Variants in NELL1 observed in about 807,000 individuals in gnomAD.
NELL1 encodes the protein protein kinase C-binding protein NELL1.
NELL1 carries 76 observed loss-of-function variants against 107.4 expected under a neutral mutation model. The observed-to-expected ratio is 0.71, with a 90% CI of 0.59 to 0.86. The LOEUF is 0.86. Ranked by LOEUF, NELL1 falls within the 40% of genes least tolerant of loss-of-function variation. NELL1 has a pLI of 0.00. For synonymous variants in NELL1, 353 were observed against 341.2 expected (o/e 1.03, Z -0.38); for missense variants, 1,024 against 1,005.5 (o/e 1.02, Z -0.25).
intron 15 of NELL1, among the ~76,000 whole-genome samples, chr11:21,481,744 G>A (rs917513484): frequency 6.6e-6 from 1 of 152,178 alleles, no homozygotes; most frequent in Non-Finnish European, 1.5e-5. Flanking sequence ...GGATTGCCTG[G>A]CAATCTGGGC....
intron 15 of NELL1, among the ~76,000 whole-genome samples, chr11:21,413,047 TA>T (rs756174404): frequency 6.6e-6 from 1 of 152,054 alleles, no homozygotes; most frequent in Non-Finnish European, 1.5e-5. Context: ...CTTTGGCTAA[TA>T]GGAAATTCAT....
chr11:20,809,704 CT>C (rs1263621176), intron 3 of NELL1, among the ~76,000 whole-genome samples: 3 of 152,044 alleles, frequency 2.0e-5, no homozygotes, highest in Admixed American at 1.3e-4. Flanking sequence ...GAATTTTATT[CT>C]TTTTTTATGG....
At chr11:21,296,202 T>C (rs1228105253) in intron 14 of NELL1, among the ~76,000 whole-genome samples, 4 of 152,136 alleles carry the variant, frequency 2.6e-5, no homozygotes, top group African/African-American at 4.8e-5. Flanking sequence ...CCCAGTTCTG[T>C]TATTTTGAAC....
intron 14 of NELL1, among the ~76,000 whole-genome samples, chr11:21,231,104 C>A (rs1858037416): frequency 6.6e-6 from 1 of 152,106 alleles, no homozygotes; most frequent in African/African-American, 2.4e-5. Flanking sequence ...CACGCACACA[C>A]AAACACATAC....
At chr11:20,715,303 GTTTT>G (rs71748513) in intron 2 of NELL1, among the ~76,000 whole-genome samples, 17 of 145,152 alleles carry the variant, frequency 1.2e-4, no homozygotes, top group South Asian at 4.3e-4. Flanking sequence ...CTGGGTTTTT[GTTTT>G]TTTTTTTTTT....
At chr11:20,914,264 T>C (rs753971876) in intron 5 of NELL1, among the ~76,000 whole-genome samples, 3 of 152,150 alleles carry the variant, frequency 2.0e-5, no homozygotes, top group Non-Finnish European at 2.9e-5. Context: ...GTGGTCCTCA[T>C]GTATACCTTG....
intron 3 of NELL1, among the ~76,000 whole-genome samples, chr11:20,787,282 A>G (rs1856987312): frequency 1.3e-5 from 2 of 152,118 alleles, no homozygotes; most frequent in South Asian, 4.1e-4. Context: ...TTTCTACTCT[A>G]GTAGAGAAGA....
At chr11:21,489,622 G>A (rs1227370077) in intron 15 of NELL1, among the ~76,000 whole-genome samples, 1 of 152,094 alleles carries the variant, frequency 6.6e-6, no homozygotes, top group African/African-American at 2.4e-5. Context: ...TTTACACCAG[G>A]ACTGCAAGGA....
At chr11:20,702,226 TC>T (rs1178089194) in intron 2 of NELL1, among the ~76,000 whole-genome samples, 3 of 152,192 alleles carry the variant, frequency 2.0e-5, no homozygotes, top group African/African-American at 7.2e-5. Context: ...GTCCTTCACA[TC>T]CCTTGTAAAT....
At chr11:21,027,282 CTAGTTTAGTTTAGTTTAGTT>C (rs60300243) in intron 12 of NELL1, among the ~76,000 whole-genome samples, 47 of 141,002 alleles carry the variant, frequency 3.3e-4, no homozygotes, top group Admixed American at 1.1e-3. Flanking sequence ...TGGGAAAAGC[CTAGTTTAGTTTAGTTTAGTT>C]TAGTTTAGTT....
At chr11:20,793,286 T>C (rs2133993285) in intron 3 of NELL1, among the ~76,000 whole-genome samples, 1 of 152,144 alleles carries the variant, frequency 6.6e-6, no homozygotes, top group South Asian at 2.1e-4. Flanking sequence ...TGGGATTTTT[T>C]TGGCAAGTAG....
chr11:20,783,245 T>C (rs1259142990), intron 2 of NELL1, among the ~76,000 whole-genome samples: 1 of 152,170 alleles, frequency 6.6e-6, no homozygotes, highest in African/African-American at 2.4e-5. Context: ...GGTCTTATTA[T>C]CCCAAGATTC....
chr11:21,337,789 TTTCTTTCC>T (rs1488075458), intron 14 of NELL1, among the ~76,000 whole-genome samples: 3 of 134,582 alleles, frequency 2.2e-5, no homozygotes, highest in African/African-American at 5.7e-5. Context: ...TCTTTCTTTC[TTTCTTTCC>T]TTCTTTCTTT....
intron 2 of NELL1, among the ~76,000 whole-genome samples, chr11:20,701,088 T>C (rs1018275279): frequency 1.3e-5 from 2 of 152,194 alleles, no homozygotes; most frequent in African/African-American, 4.8e-5. Context: ...CGCCACACTG[T>C]CTTCCACAAT....
At chr11:21,273,334 G>C (rs573287680) in intron 14 of NELL1, among the ~76,000 whole-genome samples, 2 of 152,096 alleles carry the variant, frequency 1.3e-5, no homozygotes, top group African/African-American at 4.8e-5. Context: ...GAAATGAAGC[G>C]AGAAGAGAAG....
At chr11:21,064,576 A>G (rs1853823366) in intron 12 of NELL1, among the ~76,000 whole-genome samples, 2 of 152,126 alleles carry the variant, frequency 1.3e-5, no homozygotes, top group South Asian at 4.1e-4. Flanking sequence ...CCTGTGTGCA[A>G]TGGAAAGCTG....
intron 13 of NELL1, among the ~76,000 whole-genome samples, chr11:21,191,294 G>A (rs142807847): frequency 2.0e-5 from 3 of 151,804 alleles, no homozygotes; most frequent in Admixed American, 6.6e-5. Context: ...AGAGAACCAC[G>A]CATATAGCAG....
chr11:21,230,733 A>G (rs527901888), intron 14 of NELL1, among the ~76,000 whole-genome samples: 22 of 152,342 alleles, frequency 1.4e-4, no homozygotes, highest in Non-Finnish European at 2.8e-4. Flanking sequence ...ATTTTAAAAG[A>G]TCAATTTTAT....
At chr11:20,711,949 A>T (rs1251279517) in intron 2 of NELL1, among the ~76,000 whole-genome samples, 2 of 152,096 alleles carry the variant, frequency 1.3e-5, no homozygotes, top group East Asian at 3.9e-4. Context: ...CTAGATCTAG[A>T]TGTCTAGATC....
Sources: gnomAD v4.1 joint callset for allele counts (sites outside exome capture counted in the v4.1 genomes callset) on GRCh38, gnomAD v4.1.1 for gene constraint, MANE v1.5 for transcripts, NCBI Gene and HGNC (gene_info 2026-07-23, HGNC 2026-07-21) for gene names.